The following GBE1 variants were observed in gnomAD, a reference collection of about 807,000 sequenced individuals.
GBE1 encodes 1,4-alpha-glucan branching enzyme 1.
In GBE1, 70 loss-of-function variants were observed where a neutral mutation model predicts 88.8. The observed-to-expected ratio is 0.79, with a 90% CI of 0.65 to 0.96. The LOEUF is 0.96. Among genes scored for constraint, GBE1 ranks in the 40% least tolerant of loss-of-function variants. The pLI is 0.00. For synonymous variants in GBE1, 284 were observed against 300.1 expected, an observed-to-expected ratio of 0.95 and a Z score of 0.56; for missense variants, 872 against 871.0, an observed-to-expected ratio of 1.00 and a Z score of -0.01.
intron 1 of GBE1, among the ~76,000 whole-genome samples, chr3:81,754,084 T>C (rs1706570367): frequency 6.6e-6 from 1 of 152,194 alleles, no homozygotes; most frequent in African/African-American, 2.4e-5. Context: ...CAAAAGCTGT[T>C]AGAAGTGGTA....
intron 12 of GBE1, among the ~76,000 whole-genome samples, chr3:81,555,176 G>A (rs1480644849): frequency 6.6e-6 from 1 of 152,132 alleles, no homozygotes; most frequent in Non-Finnish European, 1.5e-5. Context: ...TTTGATTTTT[G>A]AAAAATGTGA....
intron 12 of GBE1, among the ~76,000 whole-genome samples, chr3:81,553,269 T>C (rs970038836): frequency 6.6e-5 from 10 of 151,484 alleles, no homozygotes; most frequent in African/African-American, 2.4e-4. Flanking sequence ...TCTTCAGAGT[T>C]TTTTTTTTAA....
At chr3:81,537,277 G>A (rs780919363) in intron 12 of GBE1, among the ~76,000 whole-genome samples, 182 bp from the exon 13 acceptor site, 3 of 151,970 alleles carry the variant, frequency 2.0e-5, no homozygotes, top group South Asian at 4.1e-4. Flanking sequence ...AGCACAGGAA[G>A]TACCACCTTT....
intron 15 of GBE1, among the ~76,000 whole-genome samples, chr3:81,497,564 G>A (rs1428222245): frequency 2.6e-5 from 4 of 152,090 alleles, no homozygotes; most frequent in African/African-American, 9.7e-5. Context: ...GCAGACAAGG[G>A]TCAGGATTCC....
chr3:81,586,151 G>C lies in GBE1; in HGVS notation c.1276C>G (p.Gln426Glu), dbSNP rs1703800535. The part of the protein sequence containing the change: ...GMPALCSPIS[Q>E]GGGGFDYRLA... Reference sequence around the variant, plus strand: ...CGATAGTCAAAACCACCCCCTCCCTGGGAAATTGGAGAGCACAGAGCTGGC... The same window carrying C: ...CGATAGTCAAAACCACCCCCTCCCTCGGAAATTGGAGAGCACAGAGCTGGC... The change falls in exon 10 of 16, where the codon CAG (glutamine) becomes GAG (glutamate). Residue 426 changes from glutamine to glutamate, a missense_variant. By Grantham distance (29) the Gln-to-Glu change is conservative. Transcript: ENST00000429644. 1.9e-6 allele frequency: 3 copies of C among 1,609,002 alleles called. No individual in the cohort carries two copies. The highest frequency in any genetic ancestry group is 2.5e-6 in the Non-Finnish European group (3 of 1,178,090).
At chr3:81,662,077 G>A (rs1054837980) in intron 3 of GBE1, among the ~76,000 whole-genome samples, 24 of 151,938 alleles carry the variant, frequency 1.6e-4, no homozygotes, top group Non-Finnish European at 2.8e-4. Flanking sequence ...TTGTTGCCCA[G>A]GCTGGAGTGC....
chr3:81,608,919 A>T (rs1174716002), intron 7 of GBE1, among the ~76,000 whole-genome samples: 1 of 152,204 alleles, frequency 6.6e-6, no homozygotes, highest in African/African-American at 2.4e-5. Flanking sequence ...ATGTAATATA[A>T]GAGCCTTCAT....
chr3:81,750,524 CAT>C (rs200708858), intron 1 of GBE1, among the ~76,000 whole-genome samples: 22 of 93,874 alleles, frequency 2.3e-4, no homozygotes, highest in Middle Eastern at 4.9e-3. Context: ...TCAAAACATT[CAT>C]ATATATATAT....
chr3:81,604,213 C>T (rs572234844), intron 7 of GBE1, among the ~76,000 whole-genome samples: 30 of 151,762 alleles, frequency 2.0e-4, no homozygotes, highest in South Asian at 1.7e-3. Context: ...ACAAACTGAC[C>T]TGAACTAAAT....
At chr3:81,538,668 A>G (rs1355812846) in intron 12 of GBE1, among the ~76,000 whole-genome samples, 1 of 152,024 alleles carries the variant, frequency 6.6e-6, no homozygotes, top group Admixed American at 6.6e-5. Flanking sequence ...TAGCAAAATA[A>G]TGTACCTGCA....
chr3:81,635,827 C>T (rs1026863641), intron 7 of GBE1, among the ~76,000 whole-genome samples: 4 of 152,134 alleles, frequency 2.6e-5, no homozygotes, highest in Admixed American at 1.3e-4. Context: ...TGTTTTAGGG[C>T]AATGAGCAGC....
At chr3:81,646,351 G>C (rs1704763039) in intron 6 of GBE1, 41 bp downstream of exon 6, 6 of 1,211,558 alleles carry the variant, frequency 5.0e-6, no homozygotes, top group Non-Finnish European at 7.2e-6. Context: ...TTAAATTATT[G>C]GCTCAAAATA....
chr3:81,589,919 G>A (rs1703854807), intron 9 of GBE1, among the ~76,000 whole-genome samples: 1 of 152,040 alleles, frequency 6.6e-6, no homozygotes, highest in Non-Finnish European at 1.5e-5. Flanking sequence ...TTAGTAAGAT[G>A]TGCTATGATC....
At chr3:81,591,324 T>C (rs878970473) in intron 8 of GBE1, among the ~76,000 whole-genome samples, 160 bp from the exon 9 acceptor site, 1 of 152,200 alleles carries the variant, frequency 6.6e-6, no homozygotes, top group African/African-American at 2.4e-5. Context: ...AAGTACTACA[T>C]GTCAACATTC....
intron 7 of GBE1, chr3:81,612,316 C>T (rs532841467): frequency 6.5e-5 from 53 of 821,110 alleles, no homozygotes; most frequent in African/African-American, 5.3e-4. Flanking sequence ...TTTAATGTTT[C>T]GTCAAATCCA....
intron 2 of GBE1, among the ~76,000 whole-genome samples, chr3:81,679,812 T>C (rs1015235243): frequency 1.3e-5 from 2 of 152,218 alleles, no homozygotes; most frequent in Non-Finnish European, 2.9e-5. Context: ...ACTTTGTAGC[T>C]CAATACAGGG....
intron 14 of GBE1, among the ~76,000 whole-genome samples, chr3:81,507,290 C>T (rs977430931): frequency 2.3e-4 from 35 of 151,856 alleles, no homozygotes; most frequent in Middle Eastern, 3.2e-3. Flanking sequence ...CTTGCCCGGG[C>T]GCAGTGGCTC....
At chr3:81,681,152 G>C (rs539500017) in intron 2 of GBE1, among the ~76,000 whole-genome samples, 2 of 152,352 alleles carry the variant, frequency 1.3e-5, no homozygotes, top group African/African-American at 4.8e-5. Flanking sequence ...AAGCATGAAG[G>C]AGAAGAAATT....
chr3:81,559,951 C>T (rs1400172039), intron 12 of GBE1, among the ~76,000 whole-genome samples: 1 of 151,822 alleles, frequency 6.6e-6, no homozygotes, highest in African/African-American at 2.4e-5. Flanking sequence ...ATAGTACAGT[C>T]CATACACAAA....
Sources: gnomAD v4.1 joint callset for allele counts (sites outside exome capture counted in the v4.1 genomes callset) on GRCh38, gnomAD v4.1.1 for gene constraint, MANE v1.5 for transcripts, NCBI Gene and HGNC (gene_info 2026-07-23, HGNC 2026-07-21) for gene names.